The following NOL4 variants were observed in gnomAD, a reference collection of about 807,000 sequenced individuals.
NOL4 encodes the protein cancer/testis antigen 125.
Under a neutral mutation model 75.9 loss-of-function variants are expected in NOL4, and 17 were observed. The ratio of observed to expected loss-of-function variants is 0.22; its 90% CI spans 0.15 to 0.34. NOL4 has a LOEUF of 0.34. Among genes scored for constraint, NOL4 ranks in the 10% least tolerant of loss-of-function variants. The probability of loss-of-function intolerance (pLI) is 1.00; values close to 1 mark genes in which losing one functional copy is unlikely to be tolerated. For synonymous variants in NOL4, 292 were observed against 289.9 expected, an observed-to-expected ratio of 1.01 and a Z score of -0.07; for missense variants, 614 against 793.5, an observed-to-expected ratio of 0.77 and a Z score of 2.72.
intron 4 of NOL4, among the ~76,000 whole-genome samples, chr18:34,099,376 A>AAAAAAAAAAAAAAAAAAAAAAAAAAAC (rs1283092250): frequency 6.7e-6 from 1 of 150,144 alleles, no homozygotes; most frequent in Non-Finnish European, 1.5e-5. Flanking sequence ...AAAAAAAAAA[A>AAAAAAAAAAAAAAAAAAAAAAAAAAAC]AGACAACTAC....
chr18:34,212,221 T>A (rs961595237), intron 1 of NOL4, among the ~76,000 whole-genome samples: 1 of 152,194 alleles, frequency 6.6e-6, no homozygotes, highest in East Asian at 1.9e-4. Flanking sequence ...AACTTTTATA[T>A]ACATACATAT....
chr18:34,089,034 C>CA (rs1027178667), intron 5 of NOL4, among the ~76,000 whole-genome samples: 6 of 151,820 alleles, frequency 4.0e-5, no homozygotes, highest in African/African-American at 7.3e-5. Context: ...TATGTATTTC[C>CA]AACACAACGC....
chr18:34,052,340 T>G (rs1469019908), intron 5 of NOL4, among the ~76,000 whole-genome samples: 1 of 152,068 alleles, frequency 6.6e-6, no homozygotes, highest in Non-Finnish European at 1.5e-5. Context: ...GTCTTTTTTT[T>G]TCTAAGATAA....
In NOL4 at chr18:33,852,487, C is replaced by A. The variant is rs886254288; in HGVS notation, c.*355G>T. ...AGCTTTCAGTCCAATGAGTCAGTAG[C>A]AAATTCCACTAATATTTCAGCTGGA... is the stretch of plus-strand genomic sequence containing the variant. On this transcript the variant is annotated 3_prime_UTR_variant, in exon 11 of 11. Coordinates refer to ENST00000261592, the MANE Select transcript of NOL4 (RefSeq NM_003787.5). 1.3e-5 allele frequency: 2 copies of A among 151,472 alleles called. No homozygotes were observed. Among genetic ancestry groups the A allele is most frequent in the African/African-American group, 2.6e-5 (1 of 38,708 alleles). 9.4% of individuals were successfully genotyped at this position (151,472 alleles called of 1,614,324 possible). A position where few individuals can be genotyped will look rare whatever the true frequency, so the allele number is the denominator to read the frequency against.
chr18:34,063,528 A>T (rs2077148219), intron 5 of NOL4, among the ~76,000 whole-genome samples: 1 of 152,086 alleles, frequency 6.6e-6, no homozygotes, highest in Non-Finnish European at 1.5e-5. Flanking sequence ...AATGTAGAAG[A>T]ATAAATATTC....
intron 1 of NOL4, among the ~76,000 whole-genome samples, chr18:34,194,292 T>A (rs2035142007): frequency 6.6e-6 from 1 of 152,178 alleles, no homozygotes; most frequent in Admixed American, 6.5e-5. Context: ...CCACAATCTA[T>A]ACATATTTCA....
intron 9 of NOL4, among the ~76,000 whole-genome samples, chr18:33,891,014 T>C (rs1476323082): frequency 6.6e-6 from 1 of 151,732 alleles, no homozygotes; most frequent in African/African-American, 2.4e-5. Flanking sequence ...TCTCCCATCT[T>C]GGAGAGCAAA....
chr18:34,215,877 CATAA>C (rs1001202207), intron 1 of NOL4, among the ~76,000 whole-genome samples: 2 of 152,234 alleles, frequency 1.3e-5, no homozygotes, highest in East Asian at 1.9e-4. Flanking sequence ...TCTATTAAGC[CATAA>C]ATAGACTAGT....
intron 1 of NOL4, chr18:34,222,081 TC>T: frequency 1.3e-6 from 2 of 1,535,048 alleles, no homozygotes; most frequent in Non-Finnish European, 1.7e-6. Flanking sequence ...AGCCCACAGT[TC>T]CCATCTTCTT....
At chr18:34,072,087 C>T (rs373687171) in intron 5 of NOL4, among the ~76,000 whole-genome samples, 9 of 151,878 alleles carry the variant, frequency 5.9e-5, no homozygotes, top group Non-Finnish European at 8.8e-5. Context: ...AAAAATTAGC[C>T]GGGCGTGGTG....
At chr18:34,071,140 G>T (rs535886928) in intron 5 of NOL4, among the ~76,000 whole-genome samples, 1 of 151,906 alleles carries the variant, frequency 6.6e-6, no homozygotes, top group African/African-American at 2.4e-5. Context: ...TTTAGGTGGT[G>T]GATATACCAA....
rs759436487 is a variant in NOL4, at chr18:34,223,235, T to G, written c.19A>C (p.Met7Leu). MESERD[M>L]YRQFQDWCLR... ...CACCAGTCCTGGAACTGGCGGTACA[T>G]GTCGCGCTCGCTCTCCATGTTCCCC... Residue 7 changes from methionine (M) to leucine (L), a missense_variant, in exon 1 of 11, where the codon ATG becomes CTG. Met to Leu is a conservative substitution (Grantham distance 15). Transcript: ENST00000261592. 3 of 1,613,822 alleles carry G rather than the reference T, an allele frequency of 1.9e-6. No individual in the cohort carries two copies. The highest frequency in any genetic ancestry group is 2.7e-5 in the African/African-American group (2 of 74,942).
chr18:33,900,411 A>C (rs1329297947), intron 9 of NOL4, among the ~76,000 whole-genome samples: 5 of 152,104 alleles, frequency 3.3e-5, no homozygotes, highest in South Asian at 2.1e-4. Context: ...GAGTGGACAA[A>C]TATCCAAACC....
At chr18:34,189,884 G>T (rs761160167) in intron 1 of NOL4, among the ~76,000 whole-genome samples, 2 of 151,710 alleles carry the variant, frequency 1.3e-5, no homozygotes. Context: ...CATCTATTTT[G>T]CAGGTTGCTA....
At chr18:34,180,214 A>C (rs995247877) in intron 1 of NOL4, among the ~76,000 whole-genome samples, 3 of 151,556 alleles carry the variant, frequency 2.0e-5, no homozygotes, top group African/African-American at 7.2e-5. Flanking sequence ...AATATCCTTT[A>C]TTAATATAGA....
intron 10 of NOL4, among the ~76,000 whole-genome samples, chr18:33,857,082 G>C (rs1349928703): frequency 6.6e-6 from 1 of 151,918 alleles, no homozygotes; most frequent in Non-Finnish European, 1.5e-5. Context: ...TCACTTAAAA[G>C]TCATTATAGA....
intron 5 of NOL4, among the ~76,000 whole-genome samples, chr18:34,022,564 A>T (rs1324437213): frequency 6.6e-6 from 1 of 152,186 alleles, no homozygotes; most frequent in East Asian, 1.9e-4. Context: ...TATGAAGATG[A>T]TTTTTATTAC....
intron 2 of NOL4, among the ~76,000 whole-genome samples, chr18:34,120,025 T>C (rs1162310730): frequency 6.6e-6 from 1 of 152,212 alleles, no homozygotes; most frequent in Non-Finnish European, 1.5e-5. Flanking sequence ...TATTACAAAC[T>C]ATTGTTTATC....
chr18:33,984,918 A>G (rs1287152762), intron 6 of NOL4, among the ~76,000 whole-genome samples: 1 of 152,100 alleles, frequency 6.6e-6, no homozygotes, highest in Non-Finnish European at 1.5e-5. Context: ...AAGTGTTAGC[A>G]TTTGTACAAG....
Sources: gnomAD v4.1 joint callset for allele counts (sites outside exome capture counted in the v4.1 genomes callset) on GRCh38, gnomAD v4.1.1 for gene constraint, MANE v1.5 for transcripts, NCBI Gene and HGNC (gene_info 2026-07-23, HGNC 2026-07-21) for gene names.